DPP10: variants seen among roughly 807,000 people sequenced by gnomAD.
The protein encoded by DPP10 is inactive dipeptidyl peptidase 10.
DPP10 carries 33 observed loss-of-function variants against 120.9 expected under a neutral mutation model. The observed-to-expected ratio is 0.27, with a 90% CI of 0.21 to 0.37. The LOEUF (loss-of-function observed/expected upper bound fraction) is 0.37, where lower values mean the gene tolerates loss of function less well. DPP10 is among the 10% of genes least tolerant of loss of function. The pLI, the probability that DPP10 is intolerant of heterozygous loss-of-function variation, is 1.00. For synonymous variants in DPP10, 337 were observed against 326.1 expected, an observed-to-expected ratio of 1.03 and a Z score of -0.36; for missense variants, 816 against 942.8, an observed-to-expected ratio of 0.87 and a Z score of 1.76.
intron 1 of DPP10, among the ~76,000 whole-genome samples, chr2:115,045,173 A>C (rs1376410953): frequency 6.6e-6 from 1 of 152,162 alleles, no homozygotes; most frequent in African/African-American, 2.4e-5. Flanking sequence ...TTCTATTTTT[A>C]GTTTCCTGAG....
intron 1 of DPP10, among the ~76,000 whole-genome samples, chr2:114,867,266 T>C (rs892369145): frequency 1.3e-5 from 2 of 152,190 alleles, no homozygotes; most frequent in African/African-American, 4.8e-5. Context: ...GATCCTCACC[T>C]TTTGAGCATC....
intron 1 of DPP10, among the ~76,000 whole-genome samples, chr2:114,907,116 T>C (rs902087361): frequency 1.3e-5 from 2 of 150,834 alleles, no homozygotes; most frequent in Admixed American, 6.6e-5. Context: ...ACTTACAGTT[T>C]TTTATAGTAT....
At chr2:115,145,951 C>T (rs2051199728) in intron 1 of DPP10, among the ~76,000 whole-genome samples, 1 of 152,238 alleles carries the variant, frequency 6.6e-6, no homozygotes, top group African/African-American at 2.4e-5. Flanking sequence ...ACCACTGCTG[C>T]CATTACTTGC....
chr2:114,711,270 G>C (rs552943260), intron 1 of DPP10, among the ~76,000 whole-genome samples: 245 of 152,286 alleles, frequency 1.6e-3, no homozygotes, highest in African/African-American at 5.7e-3. Flanking sequence ...GGCACAGGGT[G>C]AATAGATATA....
At chr2:115,170,799 C>A (rs2053261821) in intron 1 of DPP10, among the ~76,000 whole-genome samples, 1 of 152,046 alleles carries the variant, frequency 6.6e-6, no homozygotes, top group Admixed American at 6.5e-5. Flanking sequence ...AAAGAAACTC[C>A]CCTCCCTCAC....
At chr2:114,975,807 C>T (rs1011543239) in intron 1 of DPP10, among the ~76,000 whole-genome samples, 1 of 152,020 alleles carries the variant, frequency 6.6e-6, no homozygotes, top group African/African-American at 2.4e-5. Flanking sequence ...TACACCACCA[C>T]GACCAGCTAA....
rs1688086184 is a variant in DPP10 at position 114,840,677 on chromosome 2, C to T, written c.60+397839C>T. Reference sequence around the variant, plus strand: ...GTCATTCTATTAAGTTAGAAGTTGACTGTTGTACTGCCTCCTCCAACTGTA... The same window carrying T: ...GTCATTCTATTAAGTTAGAAGTTGATTGTTGTACTGCCTCCTCCAACTGTA... On this transcript the variant is annotated intron_variant, in intron 1 of 25. Transcript: ENST00000410059. 2.6e-5 allele frequency among the ~76,000 whole-genome samples: 4 copies of T among 152,170 alleles called. No individual in the cohort carries two copies. The South Asian group carries it at 8.3e-4, about 31-fold the overall frequency.
chr2:115,011,849 C>A (rs1702288179), intron 1 of DPP10, among the ~76,000 whole-genome samples: 1 of 151,998 alleles, frequency 6.6e-6, no homozygotes, highest in South Asian at 2.1e-4. Context: ...TGTGAGTCTG[C>A]TTGCTTTTTC....
intron 2 of DPP10, among the ~76,000 whole-genome samples, chr2:115,328,562 T>A (rs1170848205): frequency 6.6e-6 from 1 of 152,080 alleles, no homozygotes; most frequent in Non-Finnish European, 1.5e-5. Context: ...ACCAGAAATT[T>A]GAGAATCCTA....
intron 4 of DPP10, among the ~76,000 whole-genome samples, chr2:115,510,609 A>G (rs2077174198): frequency 6.6e-6 from 1 of 152,108 alleles, no homozygotes; most frequent in South Asian, 2.1e-4. Context: ...CTTTTTCAAA[A>G]TTGGATTTCT....
intron 1 of DPP10, among the ~76,000 whole-genome samples, chr2:115,104,574 GT>G (rs796609940): frequency 6.6e-6 from 1 of 152,028 alleles, no homozygotes; most frequent in South Asian, 2.1e-4. Context: ...TTTCATCCCT[GT>G]TTTTTGTAAG....
intron 3 of DPP10, among the ~76,000 whole-genome samples, chr2:115,390,431 C>G (rs1223782375): frequency 6.6e-6 from 1 of 152,186 alleles, no homozygotes; most frequent in African/African-American, 2.4e-5. Context: ...GCTGTATCTT[C>G]ATGAGTCAAC....
At chr2:115,081,735 C>T (rs1708289974) in intron 1 of DPP10, among the ~76,000 whole-genome samples, 1 of 152,104 alleles carries the variant, frequency 6.6e-6, no homozygotes, top group African/African-American at 2.4e-5. Flanking sequence ...AAACATTTTT[C>T]AAAGAGAATG....
chr2:115,147,640 T>A (rs537327805), intron 1 of DPP10, among the ~76,000 whole-genome samples: 146 of 151,976 alleles, frequency 9.6e-4, no homozygotes, highest in Non-Finnish European at 1.6e-3. Flanking sequence ...AGTGGTAGAG[T>A]GGAAAGCGTG....
intron 2 of DPP10, 77 bp from the exon 3 acceptor site, chr2:115,343,740 T>C: frequency 2.1e-6 from 2 of 948,492 alleles, no homozygotes; most frequent in South Asian, 1.6e-5. Context: ...AGAGCAAATA[T>C]TCCAAATTTT....
chr2:114,962,511 C>A (rs1481798062), intron 1 of DPP10, among the ~76,000 whole-genome samples: 1 of 152,096 alleles, frequency 6.6e-6, no homozygotes, highest in Non-Finnish European at 1.5e-5. Flanking sequence ...TGCCTCTCTG[C>A]CACAAACCCA....
rs543444582 is a variant in DPP10, at chr2:115,054,772, G to A, written c.61-254467G>A. ...CTAAAAATACAAAAATTAGCCAGGC[G>A]TGGTGGCACACAGCTTGTAATCCCA... On this transcript the variant is annotated intron_variant, in intron 1 of 25. Transcript: ENST00000410059. Among the ~76,000 whole-genome samples, 11 of 152,140 alleles carry A rather than the reference G, an allele frequency of 7.2e-5. No individual in the cohort carries two copies. In the South Asian group the frequency reaches 1.0e-3, roughly 14 times the overall value.
intron 11 of DPP10, 46 bp from the exon 12 acceptor site, chr2:115,762,526 C>T (rs771955928): frequency 8.1e-6 from 13 of 1,607,960 alleles, no homozygotes; most frequent in Non-Finnish European, 1.1e-5. Flanking sequence ...TATATATGCT[C>T]ATTTTGGTCT....
At chr2:115,029,397 G>A (rs1416546401) in intron 1 of DPP10, among the ~76,000 whole-genome samples, 1 of 150,348 alleles carries the variant, frequency 6.7e-6, no homozygotes, top group Non-Finnish European at 1.5e-5. Flanking sequence ...GTTTGTCTGT[G>A]TACTTAATTT....
Sources: gnomAD v4.1 joint callset for allele counts (sites outside exome capture counted in the v4.1 genomes callset) on GRCh38, gnomAD v4.1.1 for gene constraint, MANE v1.5 for transcripts, NCBI Gene and HGNC (gene_info 2026-07-23, HGNC 2026-07-21) for gene names.